The following SP4 variants were observed in gnomAD, a reference collection of about 807,000 sequenced individuals.
SP4 encodes the protein Sp4 transcription factor, also known as transcription factor Sp4.
Under a neutral mutation model 72.8 loss-of-function variants are expected in SP4, and 19 were observed. The ratio of observed to expected loss-of-function variants is 0.26; its 90% confidence interval spans 0.18 to 0.38. The LOEUF is 0.38. Among genes scored for constraint, SP4 ranks in the 10% least tolerant of loss-of-function variants. SP4 has a pLI of 1.00. For missense variants in SP4, 1,008 were observed against 926.3 expected (o/e 1.09, Z -1.14); for synonymous variants, 395 against 333.1 (o/e 1.19, Z -2.02).
chr7:21,464,828 A>G (rs573312648), intron 3 of SP4, among the ~76,000 whole-genome samples: 10 of 152,350 alleles, frequency 6.6e-5, no homozygotes, highest in Admixed American at 6.5e-4. Flanking sequence ...ATAGCAATGC[A>G]TTACTACTAT....
chr7:21,460,220 A>G (rs1783911474), intron 3 of SP4, among the ~76,000 whole-genome samples: 1 of 152,188 alleles, frequency 6.6e-6, no homozygotes, highest in Non-Finnish European at 1.5e-5. Flanking sequence ...GGTGAGTGTT[A>G]ACAGTTCTTA....
intron 5 of SP4, among the ~76,000 whole-genome samples, chr7:21,487,019 G>A (rs1485819356): frequency 6.6e-6 from 1 of 152,082 alleles, no homozygotes; most frequent in Non-Finnish European, 1.5e-5. Flanking sequence ...AATTTTCCTT[G>A]TTCTTTGTAC....
chr7:21,435,948 G>A (rs1783038419), intron 3 of SP4, among the ~76,000 whole-genome samples: 1 of 152,020 alleles, frequency 6.6e-6, no homozygotes, highest in South Asian at 2.1e-4. Flanking sequence ...TGTCGCCCAG[G>A]CTGGAGTGCA....
chr7:21,480,723 C>T (rs1784661217), intron 4 of SP4, among the ~76,000 whole-genome samples: 1 of 152,192 alleles, frequency 6.6e-6, no homozygotes, highest in Non-Finnish European at 1.5e-5. Flanking sequence ...AGCCTCTTTG[C>T]TCACTTCTTT....
chr7:21,482,731 T>C (rs1784720255), intron 5 of SP4: 1 of 976,252 alleles, frequency 1.0e-6, no homozygotes, highest in African/African-American at 1.8e-5. Context: ...ATATGATTAA[T>C]GGATCTACAT....
chr7:21,494,131 A>G (rs1230115805), intron 5 of SP4, among the ~76,000 whole-genome samples: 3 of 152,232 alleles, frequency 2.0e-5, no homozygotes, highest in African/African-American at 7.2e-5. Flanking sequence ...TGAAGGAAAC[A>G]TCATTAACTG....
chr7:21,428,659 T>TG lies in SP4; in HGVS notation c.8-11dup, dbSNP rs373191754. On this transcript the variant is annotated splice_polypyrimidine_tract_variant and intron_variant, in intron 1 of 5. Coordinates refer to ENST00000222584, the MANE Select transcript of SP4 (RefSeq NM_003112.5). ...ATAACCTGTTGTCGTGTGTGTGTGGTGGGGGGGTTTGTTGCAGATCAGAAG... is the reference window on the plus strand; with the variant it reads ...ATAACCTGTTGTCGTGTGTGTGTGGTGGGGGGGGTTTGTTGCAGATCAGAAG... The TG allele has an allele frequency of 1.1e-5, 17 of 1,505,804 alleles. No individual in the cohort carries two copies. Among genetic ancestry groups the TG allele is most frequent in the East Asian group, 4.9e-5 (2 of 40,698 alleles). The allele number at this position is 1,505,804 out of a possible 1,614,324, so 93.3% of individuals were successfully genotyped here.
rs1212070344 is a variant in SP4, at chr7:21,442,010, G to T, written c.1678+11167G>T. Among the ~76,000 whole-genome samples, 86 of 23,906 alleles carry T rather than the reference G, an allele frequency of 3.6e-3. 1 individual carries two copies. Among genetic ancestry groups the T allele is most frequent in the African/African-American group, 0.016 (78 of 4,962 alleles). The allele number at this position is 23,906 out of a possible 152,430, so 15.7% of individuals were successfully genotyped here. A position where few individuals can be genotyped will look rare whatever the true frequency, so the allele number is the denominator to read the frequency against. ...TCATTTTATGTGTGTGTGTGTTTGT[G>T]TGTGTGTGTGTGTGTGTGTGTGTGT... On this transcript the variant is annotated intron_variant, in intron 3 of 5. Coordinates refer to ENST00000222584, the MANE Select transcript of SP4 (RefSeq NM_003112.5).
At chr7:21,480,632 C>T (rs1018158264) in intron 4 of SP4, among the ~76,000 whole-genome samples, 11 of 152,280 alleles carry the variant, frequency 7.2e-5, no homozygotes, top group African/African-American at 2.6e-4. Context: ...GTCAGTCTAG[C>T]TAAAAGTTTG....
chr7:21,474,913 A>G lies in SP4; in HGVS notation c.1679-2166A>G, dbSNP rs1380206618. ...GCATGTTAGTTATGGGTGCTACCAG[A>G]AGGATTAACGGTGCTGTGGATACGC... On this transcript the variant is annotated intron_variant, in intron 3 of 5. Coordinates refer to ENST00000222584, the MANE Select transcript of SP4 (RefSeq NM_003112.5). 4.6e-5 allele frequency among the ~76,000 whole-genome samples: 7 copies of G among 152,204 alleles called. 1 individual carries two copies. The South Asian group carries it at 1.5e-3, about 32-fold the overall frequency.
At chr7:21,473,388 T>C (rs961787027) in intron 3 of SP4, among the ~76,000 whole-genome samples, 1 of 152,188 alleles carries the variant, frequency 6.6e-6, no homozygotes, top group East Asian at 1.9e-4. Context: ...ATGAAATCAT[T>C]TTTTATTTTT....
intron 3 of SP4, among the ~76,000 whole-genome samples, chr7:21,465,551 T>C (rs559147609): frequency 6.6e-5 from 10 of 152,334 alleles, no homozygotes; most frequent in Admixed American, 6.5e-4. Context: ...ATTTAGTAAA[T>C]TGAGTAAGTG....
At chr7:21,486,509 C>T (rs1339058882) in intron 5 of SP4, among the ~76,000 whole-genome samples, 1 of 151,998 alleles carries the variant, frequency 6.6e-6, no homozygotes, top group Admixed American at 6.6e-5. Flanking sequence ...CTTTTATCAC[C>T]TGGACACATT....
chr7:21,498,882 G>A (rs1781792490), intron 5 of SP4, among the ~76,000 whole-genome samples: 1 of 151,912 alleles, frequency 6.6e-6, no homozygotes, highest in South Asian at 2.1e-4. Context: ...TCAGGAGATC[G>A]AGACCATCCT....
Position 21,428,099 on chromosome 7 carries a change from C to A in SP4, c.-153C>A. 1 of 679,186 alleles carries A rather than the reference C, an allele frequency of 1.5e-6. No individual in the cohort carries two copies. The allele number at this position is 679,186 out of a possible 1,614,324, so 42.1% of individuals were successfully genotyped here. ...TGCTACGCCACAGCCCAGCGGCGGC[C>A]ATTCGCGGAAAAAGAGGCAGAGCCT... is the stretch of plus-strand genomic sequence containing the variant. On this transcript the variant is annotated 5_prime_UTR_variant, in exon 1 of 6. Coordinates refer to ENST00000222584, the MANE Select transcript of SP4 (RefSeq NM_003112.5).
intron 3 of SP4, among the ~76,000 whole-genome samples, chr7:21,444,663 T>G (rs1450494227): frequency 1.3e-5 from 2 of 152,204 alleles, no homozygotes; most frequent in Non-Finnish European, 2.9e-5. Flanking sequence ...TTAAGCACTT[T>G]ATGTGTATTA....
At chr7:21,428,302 CT>C in intron 1 of SP4, 44 bp downstream of exon 1, 1 of 1,069,264 alleles carries the variant, frequency 9.4e-7, no homozygotes, top group Non-Finnish European at 1.4e-6. Context: ...CCGCCTCCCT[CT>C]CTCCCTCCCT....
In SP4 at chr7:21,511,232, C is replaced by T; in HGVS notation, c.2318C>T (p.Ala773Val). The change falls in exon 6 of 6, where the codon GCA becomes GTA. Residue 773 changes from alanine (A) to valine (V), a missense_variant. By Grantham distance (64) the Ala-to-Val change is moderately conservative (BLOSUM62 0). Coordinates refer to ENST00000222584, the MANE Select transcript of SP4 (RefSeq NM_003112.5). ...GCCATTTCTCAAGATTCGAATCCAG[C>T]AACTCCCAATGTTTCAACCAACATG... ...VAAISQDSNPATPNVSTNMEE... is the reference protein window; with the variant it reads ...VAAISQDSNPVTPNVSTNMEE... The T allele has an allele frequency of 6.2e-7, 1 of 1,614,142 alleles. No individual in the cohort carries two copies. Among genetic ancestry groups the T allele is most frequent in the Non-Finnish European group, 8.5e-7 (1 of 1,179,986 alleles).
At chr7:21,475,479 T>G (rs1280002442) in intron 3 of SP4, among the ~76,000 whole-genome samples, 1 of 151,742 alleles carries the variant, frequency 6.6e-6, no homozygotes, top group African/African-American at 2.4e-5. Flanking sequence ...TATTTTATTG[T>G]TATTTTGAGA....
Sources: allele counts gnomAD v4.1 joint callset (sites outside exome capture counted in the v4.1 genomes callset), GRCh38; gene constraint gnomAD v4.1.1; transcripts MANE v1.5; gene names NCBI Gene and HGNC (gene_info 2026-07-23, HGNC 2026-07-21).